Variants in SLC25A13 observed in about 807,000 individuals in gnomAD.
SLC25A13 encodes electrogenic aspartate/glutamate antiporter SLC25A13, mitochondrial.
SLC25A13 carries 70 observed loss-of-function variants against 85.5 expected under a neutral mutation model. The ratio of observed to expected loss-of-function variants is 0.82; its 90% CI spans 0.68 to 1.00. SLC25A13 has a LOEUF of 1.00. SLC25A13 is among the 50% of genes least tolerant of loss of function. The pLI, the probability that SLC25A13 is intolerant of heterozygous loss-of-function variation, is 0.00. For synonymous variants in SLC25A13, 259 were observed against 288.7 expected, an observed-to-expected ratio of 0.90 and a Z score of 1.04; for missense variants, 765 against 819.8, an observed-to-expected ratio of 0.93 and a Z score of 0.82.
intron 5 of SLC25A13, among the ~76,000 whole-genome samples, chr7:96,193,576 A>G (rs953340362): frequency 1.3e-5 from 2 of 152,238 alleles, no homozygotes; most frequent in African/African-American, 4.8e-5. Context: ...CTCTCCAAAG[A>G]AAAGAGAAAA....
intron 1 of SLC25A13, among the ~76,000 whole-genome samples, chr7:96,307,986 T>C (rs919233531): frequency 2.6e-5 from 4 of 151,876 alleles, no homozygotes; most frequent in Non-Finnish European, 5.9e-5. Context: ...ACTCAGTCTC[T>C]ACTAAAAATA....
At chr7:96,122,408 A>G (rs1791550158) in intron 15 of SLC25A13, among the ~76,000 whole-genome samples, 3 of 152,288 alleles carry the variant, frequency 2.0e-5, no homozygotes, top group Middle Eastern at 6.8e-3. Context: ...GAAGCTTGTT[A>G]TGCGTTTCCT....
intron 13 of SLC25A13, 106 bp from the exon 14 acceptor site, chr7:96,146,802 G>T: frequency 1.5e-6 from 2 of 1,358,292 alleles, no homozygotes; most frequent in South Asian, 1.2e-5. Flanking sequence ...ATCCTCAAGA[G>T]AATGTAGTTT....
chr7:96,306,867 C>G, intron 1 of SLC25A13: 2 of 1,311,846 alleles, frequency 1.5e-6, no homozygotes, highest in Non-Finnish European at 1.1e-6. Flanking sequence ...AAGGAGGAAC[C>G]CAAGTAGCTT....
chr7:96,236,957 G>A (rs929835347), intron 3 of SLC25A13, among the ~76,000 whole-genome samples: 4 of 152,190 alleles, frequency 2.6e-5, no homozygotes, highest in Non-Finnish European at 5.9e-5. Context: ...TTTGACGTTA[G>A]AGGGCCAAAA....
intron 14 of SLC25A13, among the ~76,000 whole-genome samples, chr7:96,135,316 C>T (rs950987594): frequency 1.3e-5 from 2 of 152,118 alleles, no homozygotes; most frequent in African/African-American, 4.8e-5. Flanking sequence ...AGGAGGCGGC[C>T]CTTCACCTCT....
intron 13 of SLC25A13, among the ~76,000 whole-genome samples, chr7:96,147,090 TGAGGAGACACAGAACGTATCCAAATGAG>T (rs1205678325): frequency 7.9e-6 from 1 of 126,374 alleles, no homozygotes; most frequent in Non-Finnish European, 1.5e-5. Context: ...CGTATCCAAA[TGAGGAGACACAGAACGTATCCAAATGAG>T]GAGACACAGA....
rs1292206621 is a variant in SLC25A13 at position 96,170,276 on chromosome 7, T to G, written c.1231-151A>C. The G allele has an allele frequency of 4.2e-6, 3 of 721,984 alleles. No individual in the cohort carries two copies. The African/African-American group carries it at 5.4e-5, about 13-fold the overall frequency. 44.7% of individuals were successfully genotyped at this position (721,984 alleles called of 1,614,324 possible). ...ACAATTTAACAGATCTTAAAATAGTTTGAGAAGTACTCTTAATAGTATAAT... is the reference window on the plus strand; with the variant it reads ...ACAATTTAACAGATCTTAAAATAGTGTGAGAAGTACTCTTAATAGTATAAT... On this transcript the variant is annotated intron_variant, in intron 12 of 17. Transcript: ENST00000265631.
intron 3 of SLC25A13, 76 bp from the exon 4 acceptor site, chr7:96,234,993 G>T: frequency 9.8e-7 from 1 of 1,023,930 alleles, no homozygotes; most frequent in Non-Finnish European, 1.5e-6. Context: ...ATACACTGAG[G>T]GAAAAAATAA....
chr7:96,254,576 A>G (rs1455299784), intron 3 of SLC25A13, among the ~76,000 whole-genome samples: 2 of 152,098 alleles, frequency 1.3e-5, no homozygotes, highest in East Asian at 3.8e-4. Context: ...ATACCCACAT[A>G]TGTGTGTGTA....
intron 2 of SLC25A13, among the ~76,000 whole-genome samples, chr7:96,294,939 T>A (rs1408286690): frequency 2.0e-5 from 3 of 152,246 alleles, no homozygotes; most frequent in African/African-American, 7.2e-5. Context: ...TATTTCTCCT[T>A]TACTTAAATC....
At chr7:96,303,989 T>C (rs561330951) in intron 1 of SLC25A13, among the ~76,000 whole-genome samples, 3 of 152,138 alleles carry the variant, frequency 2.0e-5, no homozygotes, top group Non-Finnish European at 4.4e-5. Context: ...GAGCCCTGAC[T>C]GATACAATCA....
chr7:96,286,411 C>T (rs1218016772), intron 2 of SLC25A13, among the ~76,000 whole-genome samples: 1 of 152,138 alleles, frequency 6.6e-6, no homozygotes, highest in East Asian at 1.9e-4. Flanking sequence ...CCATTCCCTC[C>T]ACACCTGTGG....
chr7:96,286,912 A>T (rs973788754), intron 2 of SLC25A13, among the ~76,000 whole-genome samples: 59 of 152,172 alleles, frequency 3.9e-4, no homozygotes, highest in African/African-American at 1.4e-3. Flanking sequence ...CCTGGTGTGA[A>T]GGCTGCAATG....
At chr7:96,305,143 A>ATCT (rs1235488971) in intron 1 of SLC25A13, among the ~76,000 whole-genome samples, 1 of 152,148 alleles carries the variant, frequency 6.6e-6, no homozygotes, top group East Asian at 1.9e-4. Context: ...CCACTTTTCA[A>ATCT]ATAAAGAAGC....
At chr7:96,295,280 T>C (rs1356873184) in intron 2 of SLC25A13, among the ~76,000 whole-genome samples, 2 of 151,900 alleles carry the variant, frequency 1.3e-5, no homozygotes, top group East Asian at 3.9e-4. Context: ...ACCCGGGAGG[T>C]GGAGGTTGCA....
At chr7:96,277,468 T>C in intron 2 of SLC25A13, 130 bp from the exon 3 acceptor site, 1 of 835,202 alleles carries the variant, frequency 1.2e-6, no homozygotes. Flanking sequence ...GTACGCTTCA[T>C]AATGACCATT....
At chr7:96,221,231 C>T (rs1355935450) in intron 4 of SLC25A13, among the ~76,000 whole-genome samples, 1 of 152,138 alleles carries the variant, frequency 6.6e-6, no homozygotes, top group Non-Finnish European at 1.5e-5. Flanking sequence ...TGAAAAGATA[C>T]TCAGTACCCA....
At chr7:96,266,194 C>A (rs1798039048) in intron 3 of SLC25A13, among the ~76,000 whole-genome samples, 1 of 152,168 alleles carries the variant, frequency 6.6e-6, no homozygotes, top group Admixed American at 6.5e-5. Context: ...TACTACTGTG[C>A]AAATAGTTTT....
Sources: gnomAD v4.1 joint callset for allele counts (sites outside exome capture counted in the v4.1 genomes callset) on GRCh38, gnomAD v4.1.1 for gene constraint, MANE v1.5 for transcripts, NCBI Gene and HGNC (gene_info 2026-07-23, HGNC 2026-07-21) for gene names.